Variants in WDFY3 observed in about 807,000 individuals in gnomAD.
The protein encoded by WDFY3 is WD repeat and FYVE domain containing 3, also known as WD repeat and FYVE domain-containing protein 3.
In WDFY3, 66 loss-of-function variants were observed where a neutral mutation model predicts 409.6. That is an observed-to-expected ratio of 0.16 (90% CI 0.13 to 0.20). The LOEUF is 0.20. Ranked by LOEUF, WDFY3 falls within the 10% of genes least tolerant of loss-of-function variation. WDFY3 has a pLI of 1.00. For synonymous variants in WDFY3, 1,521 were observed against 1,537.1 expected (o/e 0.99, Z 0.25); for missense variants, 3,031 against 4,298.1 (o/e 0.71, Z 8.24).
intron 2 of WDFY3, among the ~76,000 whole-genome samples, chr4:84,925,693 A>G (rs1769884734): frequency 6.6e-6 from 1 of 152,174 alleles, no homozygotes; most frequent in Non-Finnish European, 1.5e-5. Flanking sequence ...TCTTTTTTAC[A>G]TATGGTAATT....
In WDFY3 at chr4:84,740,326, T is replaced by A. The variant is rs1438939854; in HGVS notation, c.6325A>T (p.Thr2109Ser). Residue 2109 changes from threonine to serine, a missense_variant, in exon 39 of 68, where the codon ACC becomes TCC. Thr to Ser is a moderately conservative substitution (Grantham distance 58). This residue lies in a region of WDFY3 where 314 missense variants were observed against 397.4 expected (regional missense o/e 0.79). Coordinates refer to ENST00000295888, the MANE Select transcript of WDFY3 (RefSeq NM_014991.6). ...AGCAGAGCTACTTGCTGAGGAACGG[T>A]TTTGTGTGCCCGTGAGAACTGGTAC... Reference protein sequence around the residue: ...ILYQFSRAHKTVPQQVALLDS... With the variant: ...ILYQFSRAHKSVPQQVALLDS... 6.2e-7 allele frequency: 1 copy of A among 1,614,028 alleles called. No homozygotes were observed. Among genetic ancestry groups the A allele is most frequent in the South Asian group, 1.1e-5 (1 of 91,080 alleles).
At chr4:84,946,876 C>T (rs917255236) in intron 1 of WDFY3, among the ~76,000 whole-genome samples, 6 of 151,396 alleles carry the variant, frequency 4.0e-5, no homozygotes, top group African/African-American at 1.2e-4. Context: ...GCGTGATCTC[C>T]GCTCACTGCA....
In WDFY3 at chr4:84,780,312, A is replaced by G; in HGVS notation, c.4175-14T>C. On this transcript the variant is annotated splice_polypyrimidine_tract_variant and intron_variant, in intron 25 of 67. Coordinates refer to ENST00000295888, the MANE Select transcript of WDFY3 (RefSeq NM_014991.6). ...ATGTTCTTACTCCTGATTAAAAGAT[A>G]GTGAAAAATAATTAAGATAAATTCC... 1 of 1,590,674 alleles carries G rather than the reference A, an allele frequency of 6.3e-7. No homozygotes were observed. Among genetic ancestry groups the G allele is most frequent in the Non-Finnish European group, 8.6e-7 (1 of 1,169,024 alleles).
chr4:84,717,117 G>A lies in WDFY3; in HGVS notation c.7755-101C>T, dbSNP rs141922281. The A allele has an allele frequency of 5.1e-5, 64 of 1,253,596 alleles. 1 individual carries two copies. The East Asian group carries it at 1.8e-3, about 36-fold the overall frequency. 77.7% of individuals were successfully genotyped at this position (1,253,596 alleles called of 1,614,324 possible). A position where few individuals can be genotyped will look rare whatever the true frequency, so the allele number is the denominator to read the frequency against. On this transcript the variant is annotated intron_variant, in intron 48 of 67. Coordinates refer to ENST00000295888, the MANE Select transcript of WDFY3 (RefSeq NM_014991.6). ...ATTTTAAACACATGAACAGGATGGA[G>A]GAGTAATATATATCAGAATTTTCAG...
chr4:84,829,854 A>ATAAATAAAT (rs1560868644), intron 8 of WDFY3, among the ~76,000 whole-genome samples: 2 of 79,280 alleles, frequency 2.5e-5, no homozygotes, highest in African/African-American at 9.6e-5. Context: ...AATAAATTAG[A>ATAAATAAAT]GAGACTATAG....
At chr4:84,867,099 T>C (rs1761492567) in intron 3 of WDFY3, among the ~76,000 whole-genome samples, 1 of 152,216 alleles carries the variant, frequency 6.6e-6, no homozygotes, top group Non-Finnish European at 1.5e-5. Flanking sequence ...GAACTTTTTA[T>C]AAAACTTAAA....
chr4:84,678,961 G>T lies in WDFY3; in HGVS notation c.10105C>A (p.Pro3369Thr), dbSNP rs1414023158. ...HLQGPLSHPHPNPIEVRNYSR... is the reference protein window; with the variant it reads ...HLQGPLSHPHTNPIEVRNYSR... ...TAATTCCGCACCTCAATGGGATTGG[G>T]GTGGGGGTGGCTAAGGGGGCCCTGC... Residue 3369 changes from proline to threonine, a missense_variant, in exon 65 of 68, where the codon CCC (proline) becomes ACC (threonine). Physicochemically the swap from Pro to Thr is conservative, Grantham distance 38 (BLOSUM62 -1). Around this residue, in one of 16 missense-constraint regions of WDFY3, gnomAD observed 378 missense variants for 477.3 expected, o/e 0.79. Transcript: ENST00000295888. 3.1e-6 allele frequency: 5 copies of T among 1,614,164 alleles called. No individual in the cohort carries two copies. Among genetic ancestry groups the T allele is most frequent in the Non-Finnish European group, 2.5e-6 (3 of 1,180,020 alleles).
chr4:84,770,052 G>A (rs906656740), intron 30 of WDFY3, among the ~76,000 whole-genome samples: 17 of 149,714 alleles, frequency 1.1e-4, no homozygotes, highest in African/African-American at 2.7e-4. Context: ...TTTTTGAGAC[G>A]GAGTCTCACT....
intron 61 of WDFY3, among the ~76,000 whole-genome samples, chr4:84,688,981 T>C (rs533143409): frequency 6.6e-6 from 1 of 152,342 alleles, no homozygotes; most frequent in East Asian, 1.9e-4. Context: ...AGATTTAGAT[T>C]ACTGTTAGTA....
intron 44 of WDFY3, among the ~76,000 whole-genome samples, chr4:84,727,615 T>A (rs1735876901): frequency 6.6e-6 from 1 of 152,240 alleles, no homozygotes; most frequent in African/African-American, 2.4e-5. Flanking sequence ...TCTGTTGAGC[T>A]GTAGCATGTG....
chr4:84,742,349 GAA>G (rs1203402936), intron 37 of WDFY3, among the ~76,000 whole-genome samples: 1 of 152,186 alleles, frequency 6.6e-6, no homozygotes, highest in Non-Finnish European at 1.5e-5. Flanking sequence ...AACACAGACA[GAA>G]GAGAGCTTCA....
At chr4:84,890,122 A>G (rs1380406730) in intron 3 of WDFY3, among the ~76,000 whole-genome samples, 2 of 152,004 alleles carry the variant, frequency 1.3e-5, no homozygotes, top group Non-Finnish European at 2.9e-5. Context: ...TTTTTTTTTA[A>G]CTAGTGTCTC....
At chr4:84,701,545 A>C (rs1174094931) in intron 56 of WDFY3, among the ~76,000 whole-genome samples, 1 of 152,252 alleles carries the variant, frequency 6.6e-6, no homozygotes, top group Non-Finnish European at 1.5e-5. Flanking sequence ...AAAAAAATAT[A>C]AAACAACAAA....
chr4:84,966,254 G>A lies in WDFY3; in HGVS notation c.-271C>T, dbSNP rs1775739884. The A allele has an allele frequency of 6.6e-6, 1 of 150,626 alleles. No homozygotes were observed. Among genetic ancestry groups the A allele is most frequent in the Non-Finnish European group, 1.5e-5 (1 of 67,658 alleles). The allele number at this position is 150,626 out of a possible 1,614,324, so 9.3% of individuals were successfully genotyped here. On this transcript the variant is annotated 5_prime_UTR_variant, in exon 1 of 68. Transcript: ENST00000295888. ...CGGGCGGGACAGGCCCAGGAGACGG[G>A]ACCGCGGCGGGCCGGGGCTCCGCGC...
At chr4:84,826,753 A>T in intron 10 of WDFY3, 62 bp downstream of exon 10, 1 of 1,488,800 alleles carries the variant, frequency 6.7e-7, no homozygotes, top group Non-Finnish European at 8.9e-7. Context: ...ATACCAAAAT[A>T]AGACAAATTC....
At chr4:84,779,314 A>G (rs1746102174) in intron 26 of WDFY3, among the ~76,000 whole-genome samples, 1 of 152,236 alleles carries the variant, frequency 6.6e-6, no homozygotes, top group African/African-American at 2.4e-5. Flanking sequence ...AACTTGCAGA[A>G]GGCATTTGTA....
rs1043001694 is a variant in WDFY3, at chr4:84,679,134, G to T, written c.9932C>A (p.Pro3311His). 1 of 1,614,158 alleles carries T rather than the reference G, an allele frequency of 6.2e-7. No homozygotes were observed. The highest frequency in any genetic ancestry group is 1.1e-5 in the South Asian group (1 of 91,080). The change falls in exon 65 of 68, where the codon CCC becomes CAC. Residue 3311 changes from proline (P) to histidine (H), a missense_variant. Pro to His is a moderately conservative substitution (Grantham distance 77). Transcript: ENST00000295888. ...TGTTGCGCGGCAGGAGGCTGCCCGG[G>T]GCCTGTGGCTGGTGCTGCTGGGTTG... ...PSQPSSTSHR[P>H]RAASCRATAA...
intron 7 of WDFY3, among the ~76,000 whole-genome samples, chr4:84,834,098 T>C (rs986529555): frequency 4.1e-4 from 63 of 152,202 alleles, no homozygotes; most frequent in Non-Finnish European, 3.1e-4. Flanking sequence ...TGATTATAGT[T>C]GTTGTTGGTT....
At chr4:84,922,262 C>T (rs1249250505) in intron 2 of WDFY3, among the ~76,000 whole-genome samples, 1 of 151,898 alleles carries the variant, frequency 6.6e-6, no homozygotes, top group African/African-American at 2.4e-5. Flanking sequence ...CAACAGATAG[C>T]CAAATATACA....
Sources: allele counts gnomAD v4.1 joint callset (sites outside exome capture counted in the v4.1 genomes callset), GRCh38; gene constraint gnomAD v4.1.1; regional missense constraint gnomAD v4.1.1; transcripts MANE v1.5; gene names NCBI Gene and HGNC (gene_info 2026-07-23, HGNC 2026-07-21).